Variants in EXOC6 observed in about 807,000 individuals in gnomAD.
The protein encoded by EXOC6 is exocyst complex component 6, also known as SEC15-like 1.
EXOC6 carries 60 observed loss-of-function variants against 112.5 expected under a neutral mutation model. The ratio of observed to expected loss-of-function variants is 0.53; its 90% CI spans 0.43 to 0.66. The LOEUF (loss-of-function observed/expected upper bound fraction) is 0.66, where lower values mean the gene tolerates loss of function less well. EXOC6 is among the 30% of genes least tolerant of loss of function. The pLI, the probability that EXOC6 is intolerant of heterozygous loss-of-function variation, is 0.00. For synonymous variants in EXOC6, 295 were observed against 308.0 expected (o/e 0.96, Z 0.44); for missense variants, 855 against 957.1 (o/e 0.89, Z 1.41).
chr10:93,025,049 C>T (rs1844967080), intron 20 of EXOC6, among the ~76,000 whole-genome samples: 2 of 152,204 alleles, frequency 1.3e-5, no homozygotes, highest in South Asian at 4.1e-4. Flanking sequence ...GAGACAGAAT[C>T]AAAGTATTCT....
chr10:92,904,560 A>G (rs1238918967), intron 5 of EXOC6, among the ~76,000 whole-genome samples: 2 of 152,042 alleles, frequency 1.3e-5, no homozygotes, highest in Non-Finnish European at 2.9e-5. Flanking sequence ...CATGATGTTG[A>G]GCATCTTCTC....
At chr10:93,050,169 A>G (rs17108098) in intron 20 of EXOC6, among the ~76,000 whole-genome samples, 2,598 of 152,322 alleles carry the variant, frequency 0.017, 68 homozygotes, top group African/African-American at 0.058. Flanking sequence ...AGTAAGGTAA[A>G]TTCTCATATG....
chr10:92,937,920 G>T (rs1852442106), intron 12 of EXOC6, among the ~76,000 whole-genome samples: 1 of 152,114 alleles, frequency 6.6e-6, no homozygotes. Context: ...TTATCTGTTA[G>T]ATCCATAACA....
chr10:92,996,046 C>CTGTT (rs1843468212), intron 18 of EXOC6, among the ~76,000 whole-genome samples: 1 of 152,106 alleles, frequency 6.6e-6, no homozygotes, highest in African/African-American at 2.4e-5. Context: ...TGTAACATTT[C>CTGTT]TGTTTGGGAG....
At position 92,894,768 on chromosome 10, in the gene EXOC6, A is replaced by G. The variant is rs373100812; in HGVS notation, c.274-26A>G. The G allele has an allele frequency of 1.8e-5, 29 of 1,608,198 alleles. No homozygotes were observed. The African/African-American group carries it at 3.6e-4, about 20-fold the overall frequency. On this transcript the variant is annotated intron_variant, in intron 2 of 21. Transcript: ENST00000260762. ...AGGGCAGTTTTATGCATATTTGTCTAACTAAGGTGAAATTAAATTTTTAAG... is the reference window on the plus strand; with the variant it reads ...AGGGCAGTTTTATGCATATTTGTCTGACTAAGGTGAAATTAAATTTTTAAG...
chr10:92,905,180 A>T (rs1455987682), intron 5 of EXOC6, among the ~76,000 whole-genome samples: 1 of 152,002 alleles, frequency 6.6e-6, no homozygotes, highest in Non-Finnish European at 1.5e-5. Context: ...TTATAACTTT[A>T]TACAGTATTA....
intron 1 of EXOC6, among the ~76,000 whole-genome samples, chr10:92,850,554 A>G (rs2133623917): frequency 6.6e-6 from 1 of 152,130 alleles, no homozygotes; most frequent in East Asian, 1.9e-4. Context: ...TTAATATTGC[A>G]TTTTTAAAAA....
At chr10:92,918,909 T>A (rs1765468082) in intron 7 of EXOC6, among the ~76,000 whole-genome samples, 1 of 152,242 alleles carries the variant, frequency 6.6e-6, no homozygotes, top group African/African-American at 2.4e-5. Flanking sequence ...TTGTACTGAA[T>A]ACAGACAAAT....
chr10:92,910,638 A>C (rs1366954816), intron 6 of EXOC6, among the ~76,000 whole-genome samples: 1 of 152,148 alleles, frequency 6.6e-6, no homozygotes, highest in Non-Finnish European at 1.5e-5. Context: ...AAACTGTACA[A>C]AATAATTTGG....
intron 6 of EXOC6, among the ~76,000 whole-genome samples, chr10:92,914,742 G>C (rs1850989129): frequency 6.6e-6 from 1 of 152,086 alleles, no homozygotes; most frequent in South Asian, 2.1e-4. Flanking sequence ...GTGTAGAGAA[G>C]GGCTGATTGG....
intron 1 of EXOC6, among the ~76,000 whole-genome samples, chr10:92,839,857 G>T (rs1055463785): frequency 6.6e-6 from 1 of 151,862 alleles, no homozygotes; most frequent in Non-Finnish European, 1.5e-5. Context: ...TGGGGCGGGG[G>T]TGGATGTCTA....
chr10:92,867,531 T>C (rs750244159), intron 1 of EXOC6, among the ~76,000 whole-genome samples: 19 of 152,168 alleles, frequency 1.2e-4, no homozygotes, highest in Admixed American at 2.6e-4. Context: ...GGTGCAATTA[T>C]CTGATAAAGC....
chr10:92,973,906 GA>G (rs947197332), intron 17 of EXOC6, 146 bp from the exon 18 acceptor site: 162 of 570,064 alleles, frequency 2.8e-4, no homozygotes, highest in Admixed American at 3.9e-4. Context: ...AGTACTGCCA[GA>G]AAAAAAAAAC....
intron 20 of EXOC6, among the ~76,000 whole-genome samples, chr10:93,041,490 C>G (rs915986469): frequency 6.6e-6 from 1 of 152,120 alleles, no homozygotes; most frequent in Non-Finnish European, 1.5e-5. Flanking sequence ...CTCCTGGGTT[C>G]AAGCAATTCT....
At chr10:92,889,259 A>G (rs1849377207) in intron 1 of EXOC6, among the ~76,000 whole-genome samples, 1 of 152,170 alleles carries the variant, frequency 6.6e-6, no homozygotes. Context: ...AGAATTTTTC[A>G]TGTTTACTAA....
intron 18 of EXOC6, among the ~76,000 whole-genome samples, chr10:92,975,553 C>G (rs1158072254): frequency 4.1e-5 from 6 of 147,378 alleles, no homozygotes; most frequent in African/African-American, 1.5e-4. Context: ...GCCGCCCCGT[C>G]CGGGACGGAG....
intron 18 of EXOC6, among the ~76,000 whole-genome samples, chr10:92,975,932 C>G (rs1277364394): frequency 1.4e-5 from 2 of 140,098 alleles, no homozygotes; most frequent in Non-Finnish European, 3.1e-5. Flanking sequence ...GGGGTCAGCC[C>G]CCCGCCCGGC....
At chr10:92,991,327 T>G (rs1418130629) in intron 18 of EXOC6, among the ~76,000 whole-genome samples, 2 of 150,874 alleles carry the variant, frequency 1.3e-5, no homozygotes, top group East Asian at 3.9e-4. Context: ...TCACAGCTAC[T>G]CGGGAGGCTG....
chr10:92,863,941 CA>C (rs199835755), intron 1 of EXOC6, among the ~76,000 whole-genome samples: 11 of 135,462 alleles, frequency 8.1e-5, no homozygotes, highest in Non-Finnish European at 8.1e-5. Flanking sequence ...AACAAAAAAA[CA>C]AAAAAAAAAG....
Sources: gnomAD v4.1 joint callset for allele counts (sites outside exome capture counted in the v4.1 genomes callset) on GRCh38, gnomAD v4.1.1 for gene constraint, MANE v1.5 for transcripts, NCBI Gene and HGNC (gene_info 2026-07-23, HGNC 2026-07-21) for gene names.